KCNJ6: variants seen among roughly 807,000 people sequenced by gnomAD.
KCNJ6 encodes the protein potassium inwardly rectifying channel subfamily J member 6.
Under a neutral mutation model 34.2 loss-of-function variants are expected in KCNJ6, and 9 were observed. The ratio of observed to expected loss-of-function variants is 0.26; its 90% CI spans 0.16 to 0.46. KCNJ6 has a LOEUF of 0.46. KCNJ6 is among the 20% of genes least tolerant of loss of function. The probability of loss-of-function intolerance (pLI) is 1.00; values close to 1 mark genes in which losing one functional copy is unlikely to be tolerated. For missense variants in KCNJ6, 236 were observed against 531.3 expected (o/e 0.44, Z 5.46); for synonymous variants, 196 against 207.1 (o/e 0.95, Z 0.46).
chr21:37,870,055 G>C (rs1248000482), intron 1 of KCNJ6, among the ~76,000 whole-genome samples: 2 of 152,226 alleles, frequency 1.3e-5, no homozygotes, highest in East Asian at 3.8e-4. Flanking sequence ...GAAGGAGAAA[G>C]GAGAACACAC....
At chr21:37,886,297 T>C (rs181563747) in intron 1 of KCNJ6, among the ~76,000 whole-genome samples, 1 of 152,334 alleles carries the variant, frequency 6.6e-6, no homozygotes, top group African/African-American at 2.4e-5. Context: ...GACTAGAGTA[T>C]GCAGCTGCTC....
chr21:37,741,415 T>C lies in KCNJ6; in HGVS notation c.26-26284A>G, dbSNP rs114517366. 5.2e-3 allele frequency among the ~76,000 whole-genome samples: 784 copies of C among 152,220 alleles called. 6 individuals carry two copies. Among genetic ancestry groups the C allele is most frequent in the African/African-American group, 0.017 (694 of 41,554 alleles). ...TAGGAGGAGAATGGAACCTTTCTATTAAGATGGGTTGAGTTGAAATGGGCT... is the reference window on the plus strand; with the variant it reads ...TAGGAGGAGAATGGAACCTTTCTATCAAGATGGGTTGAGTTGAAATGGGCT... On this transcript the variant is annotated intron_variant, in intron 2 of 3. Coordinates refer to ENST00000609713, the MANE Select transcript of KCNJ6 (RefSeq NM_002240.5).
Position 37,840,650 on chromosome 21 carries a change from C to T in KCNJ6, c.25+8G>A. 1 of 1,591,200 alleles carries T rather than the reference C, an allele frequency of 6.3e-7. No individual in the cohort carries two copies. The highest frequency in any genetic ancestry group is 1.3e-5 in the African/African-American group (1 of 74,332). ...CAAAAAATAAATAATAAATTTGAAG[C>T]TACTCACTCATGGATTCTGTCAGCT... On this transcript the variant is annotated splice_region_variant and intron_variant, in intron 2 of 3. Transcript: ENST00000609713.
At position 37,617,235 on chromosome 21, in the gene KCNJ6, T is replaced by C. The variant is rs1304836743; in HGVS notation, c.*7924A>G. On this transcript the variant is annotated 3_prime_UTR_variant, in exon 4 of 4. Coordinates refer to ENST00000609713, the MANE Select transcript of KCNJ6 (RefSeq NM_002240.5). ...TTCCTTCCTTCTTTTCTTTCTTTTT[T>C]TGAGACTGAGTCTCGCTCCGTGGCC... 3 of 149,734 alleles carry C rather than the reference T, an allele frequency of 2.0e-5. No individual in the cohort carries two copies. In the East Asian group the frequency reaches 5.8e-4, roughly 29 times the overall value. 9.3% of individuals were successfully genotyped at this position (149,734 alleles called of 1,614,324 possible). A position where few individuals can be genotyped will look rare whatever the true frequency, so the allele number is the denominator to read the frequency against.
intron 1 of KCNJ6, among the ~76,000 whole-genome samples, chr21:37,894,013 G>A (rs1443416150): frequency 6.6e-6 from 1 of 152,048 alleles, no homozygotes; most frequent in Non-Finnish European, 1.5e-5. Flanking sequence ...GTTAAATTAT[G>A]GTATAATCAA....
intron 2 of KCNJ6, among the ~76,000 whole-genome samples, chr21:37,739,952 G>A (rs2123475309): frequency 6.6e-6 from 1 of 151,186 alleles, no homozygotes; most frequent in African/African-American, 2.4e-5. Flanking sequence ...CAGGGCTGAA[G>A]AAATGAATCA....
intron 2 of KCNJ6, among the ~76,000 whole-genome samples, chr21:37,814,808 G>A (rs2055338411): frequency 6.7e-6 from 1 of 148,444 alleles, no homozygotes; most frequent in Non-Finnish European, 1.5e-5. Flanking sequence ...TGAGGCAGGA[G>A]AATGCTGTGA....
At chr21:37,894,388 G>T (rs1266735569) in intron 1 of KCNJ6, among the ~76,000 whole-genome samples, 2 of 152,194 alleles carry the variant, frequency 1.3e-5, no homozygotes, top group Non-Finnish European at 2.9e-5. Context: ...CACTTGGCTG[G>T]GTGTGGTGGC....
intron 2 of KCNJ6, among the ~76,000 whole-genome samples, chr21:37,783,470 T>C (rs1369461851): frequency 6.6e-6 from 1 of 152,172 alleles, no homozygotes; most frequent in Non-Finnish European, 1.5e-5. Context: ...GCCACCACCA[T>C]GTAAGAAGTG....
chr21:37,879,223 G>T (rs1456117831), intron 1 of KCNJ6, among the ~76,000 whole-genome samples: 1 of 152,124 alleles, frequency 6.6e-6, no homozygotes, highest in Non-Finnish European at 1.5e-5. Flanking sequence ...GGCCATGGCA[G>T]GTTTATGACT....
intron 1 of KCNJ6, among the ~76,000 whole-genome samples, chr21:37,913,467 C>T (rs2055876666): frequency 6.6e-6 from 1 of 152,202 alleles, no homozygotes; most frequent in African/African-American, 2.4e-5. Flanking sequence ...TGATTCCTTC[C>T]AGTTCTAGAC....
intron 3 of KCNJ6, among the ~76,000 whole-genome samples, chr21:37,662,809 C>A (rs991629697): frequency 8.1e-6 from 1 of 124,086 alleles, no homozygotes. Flanking sequence ...TTCTGACTGG[C>A]GTGAGATGGT....
intron 3 of KCNJ6, among the ~76,000 whole-genome samples, chr21:37,692,081 A>G (rs1438244572): frequency 1.3e-5 from 2 of 152,188 alleles, no homozygotes; most frequent in African/African-American, 2.4e-5. Flanking sequence ...GCATTAGGAC[A>G]AATACTTAAT....
intron 3 of KCNJ6, among the ~76,000 whole-genome samples, chr21:37,702,486 T>C (rs1322377281): frequency 6.6e-6 from 1 of 152,184 alleles, no homozygotes; most frequent in African/African-American, 2.4e-5. Flanking sequence ...ATAACATTTA[T>C]GGCCCTGGGG....
In KCNJ6 at chr21:37,609,161, T is replaced by G. The variant is rs2054234076; in HGVS notation, c.*15998A>C. ...GTGCTTCATTTCTTTTGGGAAGATG[T>G]GCGTTCTCTAGGTGTGGATATTGGA... On this transcript the variant is annotated 3_prime_UTR_variant, in exon 4 of 4. Transcript: ENST00000609713. 2.6e-5 allele frequency: 4 copies of G among 152,296 alleles called. No homozygotes were observed. In the South Asian group the frequency reaches 8.3e-4, roughly 32 times the overall value. The allele number at this position is 152,296 out of a possible 1,614,324, so 9.4% of individuals were successfully genotyped here.
At chr21:37,681,182 A>G (rs2054589138) in intron 3 of KCNJ6, among the ~76,000 whole-genome samples, 1 of 152,272 alleles carries the variant, frequency 6.6e-6, no homozygotes, top group East Asian at 1.9e-4. Context: ...TCACGACCCT[A>G]GTCAGAAATA....
chr21:37,700,872 A>T (rs560845938), intron 3 of KCNJ6, among the ~76,000 whole-genome samples: 1 of 152,102 alleles, frequency 6.6e-6, no homozygotes, highest in Non-Finnish European at 1.5e-5. Flanking sequence ...TCATTTGCAT[A>T]AGAGAGCCTA....
intron 2 of KCNJ6, among the ~76,000 whole-genome samples, chr21:37,809,614 GA>G (rs1170099476): frequency 6.6e-6 from 1 of 152,040 alleles, no homozygotes; most frequent in Non-Finnish European, 1.5e-5. Flanking sequence ...AGTTTGTTTG[GA>G]AAACTCAAGC....
At chr21:37,903,536 G>A (rs1351500222) in intron 1 of KCNJ6, among the ~76,000 whole-genome samples, 1 of 152,090 alleles carries the variant, frequency 6.6e-6, no homozygotes, top group Non-Finnish European at 1.5e-5. Context: ...GTGCTTTAAG[G>A]GGACAGAGTG....
Sources: gnomAD v4.1 joint callset for allele counts (sites outside exome capture counted in the v4.1 genomes callset) on GRCh38, gnomAD v4.1.1 for gene constraint, MANE v1.5 for transcripts, NCBI Gene and HGNC (gene_info 2026-07-23, HGNC 2026-07-21) for gene names.